DHX34: variants seen among roughly 807,000 people sequenced by gnomAD.
The protein encoded by DHX34 is probable ATP-dependent RNA helicase DHX34.
A neutral mutation model predicts 111.1 loss-of-function variants in DHX34; 96 were observed. The observed-to-expected ratio is 0.86, with a 90% CI of 0.73 to 1.02. DHX34 has a LOEUF of 1.02. DHX34 is among the 50% of genes least tolerant of loss of function. The probability of loss-of-function intolerance (pLI) is 0.00; values close to 1 mark genes in which losing one functional copy is unlikely to be tolerated. For synonymous variants in DHX34, 688 were observed against 670.4 expected (o/e 1.03, Z -0.41); for missense variants, 1,560 against 1,579.9 (o/e 0.99, Z 0.21).
In DHX34 at chr19:47,372,815, C is replaced by A; in HGVS notation, c.1854C>A (p.Phe618Leu). 1 of 1,613,112 alleles carries A rather than the reference C, an allele frequency of 6.2e-7. No individual in the cohort carries two copies. Among genetic ancestry groups the A allele is most frequent in the Non-Finnish European group, 8.5e-7 (1 of 1,179,840 alleles). Residue 618 changes from phenylalanine to leucine, a missense_variant, in exon 8 of 17, where the codon TTC becomes TTA. Coordinates refer to ENST00000328771, the MANE Select transcript of DHX34 (RefSeq NM_014681.6). Reference protein sequence around the residue: ...IAAALSVQSPFTRSAQSSPEC... With the variant: ...IAAALSVQSPLTRSAQSSPEC... ...CCGCACTTAGCGTCCAGTCGCCCTT[C>A]ACCCGCAGCGCCCAGAGCAGCCCAG... is the stretch of plus-strand genomic sequence containing the variant.
chr19:47,353,330 C>G lies in DHX34; in HGVS notation c.300C>G (p.Tyr100Ter). Residue 100 changes from tyrosine to a stop codon, truncating the protein, a stop_gained, in exon 2 of 17, where the codon TAC (tyrosine) becomes TAG (stop). Transcript: ENST00000328771. LOFTEE classifies it high-confidence loss of function. The surrounding 1 kb of genome is among the most constrained non-coding windows in gnomAD (Gnocchi z 4.6). ...CGCTGGCCGACCTACCTCGCACTTACGACCCACGTTACCGCATCAACCTCT... is the reference window on the plus strand; with the variant it reads ...CGCTGGCCGACCTACCTCGCACTTAGGACCCACGTTACCGCATCAACCTCT... ...IPALADLPRT[Y>*]DPRYRINLSV... The G allele has an allele frequency of 3.1e-6, 5 of 1,614,192 alleles. No homozygotes were observed. Among genetic ancestry groups the G allele is most frequent in the East Asian group, 2.2e-5 (1 of 44,880 alleles).
intron 6 of DHX34, among the ~76,000 whole-genome samples, chr19:47,366,313 C>T (rs1252841173): frequency 2.0e-5 from 3 of 152,184 alleles, no homozygotes; most frequent in Admixed American, 2.0e-4. Flanking sequence ...TAGAATCTCA[C>T]TCTGTGGCCC....
Position 47,382,475 on chromosome 19 carries a change from T to C in DHX34, c.*362T>C. 4.3e-6 allele frequency: 1 copy of C among 233,962 alleles called. No individual in the cohort carries two copies. The highest frequency in any genetic ancestry group is 8.5e-6 in the Non-Finnish European group (1 of 117,798). 14.5% of individuals were successfully genotyped at this position (233,962 alleles called of 1,614,324 possible). On this transcript the variant is annotated 3_prime_UTR_variant, in exon 17 of 17. Transcript: ENST00000328771. ...GTTCTTAGCACCTCCGCAGCCGCTC[T>C]CTCTTGAGTCCATCCTCAGTCTCTC... is the stretch of plus-strand genomic sequence containing the variant.
Position 47,357,945 on chromosome 19 carries a change from T to A in DHX34, c.1097T>A (p.Leu366Gln). The change falls in exon 4 of 17, where the codon CTG (leucine) becomes CAG (glutamine). Residue 366 changes from leucine to glutamine, a missense_variant. Transcript: ENST00000328771. Reference protein sequence around the residue: ...KLDPRPFLRVLESIDHKYPPE... With the variant: ...KLDPRPFLRVQESIDHKYPPE... ...GACCCGCGGCCTTTCCTGAGGGTGC[T>A]GGAGTCCATTGACCACAAGTACCCG... 6.2e-7 allele frequency: 1 copy of A among 1,614,024 alleles called. No individual in the cohort carries two copies. Among genetic ancestry groups the A allele is most frequent in the Non-Finnish European group, 8.5e-7 (1 of 1,180,044 alleles).
Position 47,380,855 on chromosome 19 carries a change from C to T in DHX34, c.3022C>T (p.Gln1008Ter). 1.2e-6 allele frequency: 2 copies of T among 1,613,974 alleles called. No individual in the cohort carries two copies. The highest frequency in any genetic ancestry group is 1.7e-6 in the Non-Finnish European group (2 of 1,179,920). ...CCGGCGGCTCACAGGGCTAGAAGTC[C>T]AGAACATGTATGTGGGACCCCAGAC... ...SLRRLTGLEV[Q>*]NMYVGPQTIP... Residue 1008 changes from glutamine to a stop codon, truncating the protein, a stop_gained, in exon 15 of 17, where the codon CAG (glutamine) becomes TAG (stop). Coordinates refer to ENST00000328771, the MANE Select transcript of DHX34 (RefSeq NM_014681.6). LOFTEE classifies it high-confidence loss of function.
At chr19:47,352,259 G>A (rs1456524136) in intron 1 of DHX34, among the ~76,000 whole-genome samples, 2 of 152,230 alleles carry the variant, frequency 1.3e-5, no homozygotes, top group African/African-American at 4.8e-5. Flanking sequence ...GATTGTCACA[G>A]TCTGATGACG....
intron 4 of DHX34, among the ~76,000 whole-genome samples, chr19:47,359,432 A>G (rs1969556154): frequency 6.6e-6 from 1 of 151,148 alleles, no homozygotes. Context: ...ACTGCACTCC[A>G]TTGTAGGCCA....
At position 47,375,554 on chromosome 19, in the gene DHX34, G is replaced by C; in HGVS notation, c.2153G>C (p.Arg718Pro). The change falls in exon 10 of 17, where the codon CGC (arginine) becomes CCC (proline). Residue 718 changes from arginine (R) to proline (P), a missense_variant. Coordinates refer to ENST00000328771, the MANE Select transcript of DHX34 (RefSeq NM_014681.6). Reference protein sequence around the residue: ...SYSRLQQRRERRALHQLKRQH... With the variant: ...SYSRLQQRREPRALHQLKRQH... ...AGTCGGTTGCAGCAGCGCCGGGAGC[G>C]CCGGGCCCTGCACCAGCTGAAACGC... 1.3e-6 allele frequency: 2 copies of C among 1,549,578 alleles called. No homozygotes were observed. The highest frequency in any genetic ancestry group is 1.2e-5 in the South Asian group (1 of 85,104).
At chr19:47,351,753 T>C (rs1032750483) in intron 1 of DHX34, among the ~76,000 whole-genome samples, 6 of 152,192 alleles carry the variant, frequency 3.9e-5, no homozygotes, top group Non-Finnish European at 8.8e-5. Context: ...ATGTGTCCGC[T>C]TCTCAGGCCA....
chr19:47,376,479 C>T lies in DHX34; in HGVS notation c.2518C>T (p.His840Tyr), dbSNP rs776920927. 77 of 1,610,644 alleles carry T rather than the reference C, an allele frequency of 4.8e-5. No individual in the cohort carries two copies. Among genetic ancestry groups the T allele is most frequent in the Admixed American group, 1.2e-4 (7 of 59,686 alleles). The change falls in exon 12 of 17, where the codon CAC becomes TAC. Residue 840 changes from histidine (H) to tyrosine (Y), a missense_variant. Physicochemically the swap from His to Tyr is moderately conservative, Grantham distance 83 (BLOSUM62 2). Transcript: ENST00000328771. ...GCAGGCCAAGCAGGGCGCCGTGCTG[C>T]ACCCCACCTGCGTCTTCGCTGGCAG... Reference protein sequence around the residue: ...HTQAKQGAVLHPTCVFAGSPE... With the variant: ...HTQAKQGAVLYPTCVFAGSPE...
chr19:47,365,855 G>C (rs1406756884), intron 6 of DHX34, among the ~76,000 whole-genome samples: 1 of 152,154 alleles, frequency 6.6e-6, no homozygotes, highest in African/African-American at 2.4e-5. Flanking sequence ...TGCCTGCCTG[G>C]ACTGCTGCAT....
Position 47,352,862 on chromosome 19 carries a change from T to C in DHX34, c.-169T>C, listed in dbSNP as rs1405007282. 2.2e-6 allele frequency: 3 copies of C among 1,393,086 alleles called. No individual in the cohort carries two copies. The highest frequency in any genetic ancestry group is 1.5e-5 in the African/African-American group (1 of 68,788). The allele number at this position is 1,393,086 out of a possible 1,614,324, so 86.3% of individuals were successfully genotyped here. A position where few individuals can be genotyped will look rare whatever the true frequency, so the allele number is the denominator to read the frequency against. On this transcript the variant is annotated 5_prime_UTR_variant, in exon 2 of 17. Coordinates refer to ENST00000328771, the MANE Select transcript of DHX34 (RefSeq NM_014681.6). ...AGCTCAAGCAGGCCTCTGGCCACTT[T>C]ATCATCTGTGGTGGTCCTGTGCCGT...
rs776951119 is a variant in DHX34, at chr19:47,358,091, A to G, written c.1243A>G (p.Ser415Gly). The change falls in exon 4 of 17, where the codon AGC becomes GGC. Residue 415 changes from serine (S) to glycine (G), a missense_variant. Coordinates refer to ENST00000328771, the MANE Select transcript of DHX34 (RefSeq NM_014681.6). ...TQRWVVLPLH[S>G]ALSVADQDKV... ...GCGCTGGGTGGTACTGCCACTGCACAGCGCCCTGTCTGTGGCCGACCAGGA... is the reference window on the plus strand; with the variant it reads ...GCGCTGGGTGGTACTGCCACTGCACGGCGCCCTGTCTGTGGCCGACCAGGA... The G allele has an allele frequency of 8.1e-6, 13 of 1,610,270 alleles. No individual in the cohort carries two copies. The African/African-American group carries it at 1.3e-4, about 17-fold the overall frequency.
At chr19:47,355,435 T>C (rs1969429813) in intron 3 of DHX34, 85 bp downstream of exon 3, 8 of 1,518,698 alleles carry the variant, frequency 5.3e-6, no homozygotes, top group Non-Finnish European at 7.1e-6. Context: ...TCTCTGCTGC[T>C]GTATCTCCCA....
intron 13 of DHX34, among the ~76,000 whole-genome samples, chr19:47,377,788 A>C (rs1970217446): frequency 6.6e-6 from 1 of 151,766 alleles, no homozygotes; most frequent in African/African-American, 2.4e-5. Flanking sequence ...CCCAGCCAGG[A>C]GGGCTGGCAG....
intron 16 of DHX34, chr19:47,381,576 T>G: frequency 1.7e-6 from 1 of 602,624 alleles, no homozygotes; most frequent in Non-Finnish European, 2.9e-6. Flanking sequence ...TGTCTCTGTT[T>G]CTGTCTCTCT....
chr19:47,380,702 T>A, intron 14 of DHX34, 114 bp from the exon 15 acceptor site: 1 of 1,514,792 alleles, frequency 6.6e-7, no homozygotes, highest in South Asian at 1.3e-5. Context: ...TGTAAGCACT[T>A]GGCTCCCGTA....
chr19:47,354,228 T>G (rs1001593771), intron 2 of DHX34, among the ~76,000 whole-genome samples: 1 of 152,036 alleles, frequency 6.6e-6, no homozygotes, highest in Non-Finnish European at 1.5e-5. Context: ...CTCCCAAAGT[T>G]TTGGGATTAC....
intron 1 of DHX34, among the ~76,000 whole-genome samples, chr19:47,352,094 G>A (rs78809666): frequency 0.016 from 2,510 of 152,254 alleles, 34 homozygotes; most frequent in Non-Finnish European, 0.024. Context: ...TCTGCTGTTG[G>A]TTGGCCATGT....
Sources: gnomAD v4.1 joint callset for allele counts (sites outside exome capture counted in the v4.1 genomes callset) on GRCh38, gnomAD v4.1.1 for gene constraint, Gnocchi (gnomAD v3.1) non-coding constraint, MANE v1.5 for transcripts, NCBI Gene and HGNC (gene_info 2026-07-23, HGNC 2026-07-21) for gene names.